KIF13B: variants seen among roughly 807,000 people sequenced by gnomAD.
The protein encoded by KIF13B is kinesin family member 13B.
In KIF13B, 127 loss-of-function variants were observed where a neutral mutation model predicts 222.0. That is an observed-to-expected ratio of 0.57 (90% CI 0.50 to 0.66). The LOEUF (loss-of-function observed/expected upper bound fraction) is 0.66, where lower values mean the gene tolerates loss of function less well. KIF13B is among the 30% of genes least tolerant of loss of function. KIF13B has a pLI of 0.00. For missense variants in KIF13B, 2,173 were observed against 2,379.0 expected, an observed-to-expected ratio of 0.91 and a Z score of 1.80; for synonymous variants, 976 against 919.0, an observed-to-expected ratio of 1.06 and a Z score of -1.12.
chr8:29,078,585 GATC>G (rs1807673290), intron 37 of KIF13B, among the ~76,000 whole-genome samples: 1 of 152,152 alleles, frequency 6.6e-6, no homozygotes, highest in South Asian at 2.1e-4. Flanking sequence ...AAACATTTCA[GATC>G]ATAAGTTCAT....
chr8:29,242,779 G>A lies in KIF13B; in HGVS notation c.149+2567C>T, dbSNP rs112807253. Among the ~76,000 whole-genome samples the A allele has an allele frequency of 5.4e-3, 816 of 152,314 alleles. 5 individuals carry two copies. The highest frequency in any genetic ancestry group is 0.017 in the African/African-American group (714 of 41,564). ...CTTTCGTTCTTATCCTATGTTCACA[G>A]CAATGTTTTGACCTGGTTTTCCAAT... On this transcript the variant is annotated intron_variant, in intron 2 of 39. Coordinates refer to ENST00000524189, the MANE Select transcript of KIF13B (RefSeq NM_015254.4).
intron 13 of KIF13B, among the ~76,000 whole-genome samples, chr8:29,156,134 C>A (rs1475950011): frequency 6.6e-6 from 1 of 151,884 alleles, no homozygotes. Context: ...ATGCCCAGCT[C>A]ATTTTTTTGT....
At chr8:29,094,844 G>C (rs900709675) in intron 36 of KIF13B, among the ~76,000 whole-genome samples, 1 of 151,012 alleles carries the variant, frequency 6.6e-6, no homozygotes, top group Non-Finnish European at 1.5e-5. Flanking sequence ...TAGAAAAGCA[G>C]CAGCAAATGG....
At chr8:29,193,451 T>C (rs537990015) in intron 3 of KIF13B, among the ~76,000 whole-genome samples, 3 of 152,284 alleles carry the variant, frequency 2.0e-5, no homozygotes, top group East Asian at 3.9e-4. Flanking sequence ...GTAAATAAAA[T>C]GTGGAGCTCA....
At chr8:29,174,113 A>G (rs1339737770) in intron 10 of KIF13B, among the ~76,000 whole-genome samples, 1 of 152,168 alleles carries the variant, frequency 6.6e-6, no homozygotes, top group Non-Finnish European at 1.5e-5. Flanking sequence ...ATCTTTTGTG[A>G]TAAGAGCACC....
At chr8:29,095,060 G>C (rs764383647) in intron 36 of KIF13B, among the ~76,000 whole-genome samples, 10 of 151,664 alleles carry the variant, frequency 6.6e-5, no homozygotes, top group Non-Finnish European at 1.5e-4. Flanking sequence ...AGAAAGAGCA[G>C]AGAGAAAAGG....
chr8:29,159,452 T>C (rs566168185), intron 13 of KIF13B, among the ~76,000 whole-genome samples: 1 of 152,062 alleles, frequency 6.6e-6, no homozygotes, highest in Non-Finnish European at 1.5e-5. Context: ...GCCCAGCCAA[T>C]AATATATCAT....
At chr8:29,123,126 ATTGAT>A (rs1809949358) in intron 28 of KIF13B, among the ~76,000 whole-genome samples, 1 of 152,234 alleles carries the variant, frequency 6.6e-6, no homozygotes, top group Non-Finnish European at 1.5e-5. Flanking sequence ...GGTATTAAAT[ATTGAT>A]TTAAGTTCTC....
chr8:29,117,891 CT>C (rs1809676151), intron 30 of KIF13B, among the ~76,000 whole-genome samples: 1 of 152,214 alleles, frequency 6.6e-6, no homozygotes, highest in Admixed American at 6.5e-5. Context: ...GGCGCGGTGG[CT>C]CATGTCTGTC....
At chr8:29,230,685 G>GCAA (rs1246031982) in intron 2 of KIF13B, among the ~76,000 whole-genome samples, 1 of 152,202 alleles carries the variant, frequency 6.6e-6, no homozygotes, top group Admixed American at 6.5e-5. Flanking sequence ...GACTGAGCTG[G>GCAA]CAACAGCCAG....
chr8:29,156,021 G>T (rs1182971919), intron 13 of KIF13B, among the ~76,000 whole-genome samples, 165 bp from the exon 14 acceptor site: 1 of 151,974 alleles, frequency 6.6e-6, no homozygotes, highest in South Asian at 2.1e-4. Context: ...CATGCTGGAA[G>T]GCAATGGTGC....
At chr8:29,124,554 C>G (rs1361508545) in intron 26 of KIF13B, among the ~76,000 whole-genome samples, 1 of 151,458 alleles carries the variant, frequency 6.6e-6, no homozygotes, top group Non-Finnish European at 1.5e-5. Context: ...TTGAGGCCAG[C>G]CTGGCTAACA....
intron 24 of KIF13B, 51 bp from the exon 25 acceptor site, chr8:29,127,319 A>C: frequency 6.4e-7 from 1 of 1,567,806 alleles, no homozygotes; most frequent in East Asian, 2.2e-5. Context: ...GATTTCCAAA[A>C]ATTTGATTTA....
intron 11 of KIF13B, among the ~76,000 whole-genome samples, chr8:29,166,671 T>C (rs61559038): frequency 7.3e-6 from 1 of 137,670 alleles, no homozygotes; most frequent in Non-Finnish European, 1.5e-5. Flanking sequence ...ACCATTGCAC[T>C]CCAGCGTGGG....
chr8:29,187,579 T>A (rs1444591924), intron 5 of KIF13B, among the ~76,000 whole-genome samples: 1 of 152,096 alleles, frequency 6.6e-6, no homozygotes, highest in Non-Finnish European at 1.5e-5. Context: ...TTAAATAAAA[T>A]TTAGAAAACA....
intron 21 of KIF13B, among the ~76,000 whole-genome samples, chr8:29,138,374 G>C (rs1445476485): frequency 6.6e-6 from 1 of 151,354 alleles, no homozygotes; most frequent in Non-Finnish European, 1.5e-5. Context: ...AATAAAGGGA[G>C]AGATGCAACA....
At chr8:29,191,094 C>T (rs1360721619) in intron 3 of KIF13B, 37 bp from the exon 4 acceptor site, 1 of 1,460,788 alleles carries the variant, frequency 6.8e-7, no homozygotes, top group Non-Finnish European at 9.5e-7. Context: ...TTAAGAAAAC[C>T]TCAACATTAC....
At chr8:29,161,770 G>C (rs1563751805) in intron 12 of KIF13B, among the ~76,000 whole-genome samples, 1 of 150,256 alleles carries the variant, frequency 6.7e-6, no homozygotes, top group Non-Finnish European at 1.5e-5. Flanking sequence ...TAGCTGAAAA[G>C]ATTTTATACC....
At position 29,134,169 on chromosome 8, in the gene KIF13B, G is replaced by T; in HGVS notation, c.2655C>A (p.Ser885=). The change falls in exon 22 of 40, where the codon TCC becomes TCA. Residue 885 remains serine (S), a synonymous_variant. Coordinates refer to ENST00000524189, the MANE Select transcript of KIF13B (RefSeq NM_015254.4). The part of the protein sequence containing the change: ...LQATGLPQHL[S]HFVFCKYSFW... ...AGCTGTATTTGCAGAACACAAAGTG[G>T]GACAGATGCTGTGGCAACCCAGTAG... 6.2e-7 allele frequency: 1 copy of T among 1,613,992 alleles called. No homozygotes were observed. Among genetic ancestry groups the T allele is most frequent in the Non-Finnish European group, 8.5e-7 (1 of 1,179,878 alleles).
Sources: gnomAD v4.1 joint callset for allele counts (sites outside exome capture counted in the v4.1 genomes callset) on GRCh38, gnomAD v4.1.1 for gene constraint, MANE v1.5 for transcripts, NCBI Gene and HGNC (gene_info 2026-07-23, HGNC 2026-07-21) for gene names.